Variants in GABRR2 observed in about 807,000 individuals in gnomAD.
GABRR2 encodes the protein gamma-aminobutyric acid receptor subunit rho-2.
In GABRR2, 36 loss-of-function variants were observed where a neutral mutation model predicts 47.0. That is an observed-to-expected ratio of 0.77 (90% CI 0.59 to 1.01). The LOEUF is 1.01. GABRR2 is among the 50% of genes least tolerant of loss of function. GABRR2 has a pLI of 0.00. For synonymous variants in GABRR2, 204 were observed against 227.5 expected, an observed-to-expected ratio of 0.90 and a Z score of 0.93; for missense variants, 587 against 594.6, an observed-to-expected ratio of 0.99 and a Z score of 0.13.
chr6:89,281,003 C>T (rs1448513670), intron 2 of GABRR2, among the ~76,000 whole-genome samples: 1 of 152,210 alleles, frequency 6.6e-6, no homozygotes, highest in Non-Finnish European at 1.5e-5. Context: ...AACGATTTTT[C>T]ACTGTTTCTC....
At chr6:89,265,455 C>T (rs1025860003) in intron 7 of GABRR2, among the ~76,000 whole-genome samples, 158 bp downstream of exon 7, 1 of 152,112 alleles carries the variant, frequency 6.6e-6, no homozygotes, top group African/African-American at 2.4e-5. Context: ...AAACTGAGGC[C>T]AGCATCTAGA....
chr6:89,263,036 G>A (rs1177222509), intron 8 of GABRR2, among the ~76,000 whole-genome samples: 2 of 152,170 alleles, frequency 1.3e-5, no homozygotes, highest in African/African-American at 2.4e-5. Context: ...GTTGTATTCT[G>A]TCTCATAGTT....
rs1774050562 is a variant in GABRR2, at chr6:89,271,570, C to T, written c.288+85G>A. 4 of 1,233,430 alleles carry T rather than the reference C, an allele frequency of 3.2e-6. No individual in the cohort carries two copies. The South Asian group carries it at 5.1e-5, about 16-fold the overall frequency. The allele number at this position is 1,233,430 out of a possible 1,614,324, so 76.4% of individuals were successfully genotyped here. On this transcript the variant is annotated intron_variant, in intron 3 of 8. Coordinates refer to ENST00000402938, the MANE Select transcript of GABRR2 (RefSeq NM_002043.5). The stretch of plus-strand genomic sequence containing the variant: ...CCCATTTTATCACCTCCAGCTCCCG[C>T]TCTGCCCACACAGGCACAGCCTGCA...
intron 6 of GABRR2, among the ~76,000 whole-genome samples, chr6:89,267,338 G>A (rs1282511749): frequency 6.6e-6 from 1 of 152,162 alleles, no homozygotes; most frequent in Non-Finnish European, 1.5e-5. Context: ...GGCCGAGGTA[G>A]GAGGATTGCT....
chr6:89,286,909 G>A (rs571362175), intron 2 of GABRR2, among the ~76,000 whole-genome samples: 15 of 152,284 alleles, frequency 9.9e-5, no homozygotes, highest in East Asian at 3.9e-4. Context: ...GAAGAAGCCC[G>A]AGGGAGCCCC....
intron 8 of GABRR2, among the ~76,000 whole-genome samples, chr6:89,262,351 T>C (rs903388017): frequency 1.3e-5 from 2 of 152,202 alleles, no homozygotes; most frequent in African/African-American, 4.8e-5. Flanking sequence ...ACTACCTTCA[T>C]AAATATTCAT....
At chr6:89,281,711 T>G (rs1201298994) in intron 2 of GABRR2, among the ~76,000 whole-genome samples, 1 of 152,154 alleles carries the variant, frequency 6.6e-6, no homozygotes, top group Non-Finnish European at 1.5e-5. Flanking sequence ...GTAGATGACC[T>G]GTGGCACAGA....
At chr6:89,294,586 T>C (rs1774525159) in intron 2 of GABRR2, among the ~76,000 whole-genome samples, 1 of 151,760 alleles carries the variant, frequency 6.6e-6, no homozygotes, top group African/African-American at 2.4e-5. Flanking sequence ...TGGTGGGCGC[T>C]ACTGGAAGGG....
chr6:89,280,425 G>A (rs1399263844), intron 2 of GABRR2, among the ~76,000 whole-genome samples: 1 of 151,860 alleles, frequency 6.6e-6, no homozygotes. Flanking sequence ...ACACACTGGA[G>A]GAAGGAATGA....
intron 1 of GABRR2, among the ~76,000 whole-genome samples, chr6:89,303,417 A>G (rs1015576343): frequency 3.8e-5 from 2 of 52,292 alleles, no homozygotes; most frequent in African/African-American, 3.5e-4. Flanking sequence ...GCTGTCAGAT[A>G]AAAAAAAAAA....
chr6:89,302,955 C>T, intron 1 of GABRR2: 1 of 1,250,324 alleles, frequency 8.0e-7, no homozygotes, highest in Non-Finnish European at 1.1e-6. Context: ...TACACTGGTA[C>T]ATGGGCAAGG....
rs1458896939 is a variant in GABRR2, at chr6:89,256,097, T to A, written c.*1573A>T. On this transcript the variant is annotated 3_prime_UTR_variant, in exon 9 of 9. Transcript: ENST00000402938. ...GGCTAATATTTTTAATTTTTACTAA[T>A]TTAAATTTAAATAGACATGTGGCTA... Among the ~76,000 whole-genome samples, 1 of 149,500 alleles carries A rather than the reference T, an allele frequency of 6.7e-6. No individual in the cohort carries two copies. The highest frequency in any genetic ancestry group is 1.9e-4 in the East Asian group (1 of 5,132).
chr6:89,282,681 G>C lies in GABRR2; in HGVS notation c.221-10959C>G, dbSNP rs531808298. Among the ~76,000 whole-genome samples, 30 of 152,332 alleles carry C rather than the reference G, an allele frequency of 2.0e-4. No homozygotes were observed. In the South Asian group the frequency reaches 5.6e-3, roughly 28 times the overall value. ...CAAGGTAAACTGGGATGGGATCCTGGAAAGGCCTTCTATCCAACAGCAGCC... is the reference window on the plus strand; with the variant it reads ...CAAGGTAAACTGGGATGGGATCCTGCAAAGGCCTTCTATCCAACAGCAGCC... On this transcript the variant is annotated intron_variant, in intron 2 of 8. Coordinates refer to ENST00000402938, the MANE Select transcript of GABRR2 (RefSeq NM_002043.5).
chr6:89,255,793 G>C lies in GABRR2; in HGVS notation c.*1877C>G, dbSNP rs2127820574. On this transcript the variant is annotated 3_prime_UTR_variant, in exon 9 of 9. Transcript: ENST00000402938. ...GCTGGTAGAGCTTCCTGGTCTTTAG[G>C]CTGCCCAGCCCAGTGCAGTAGCTAC... is the stretch of plus-strand genomic sequence containing the variant. 6.6e-6 allele frequency among the ~76,000 whole-genome samples: 1 copy of C among 152,220 alleles called. No individual in the cohort carries two copies.
At chr6:89,273,445 G>A (rs898852520) in intron 2 of GABRR2, among the ~76,000 whole-genome samples, 1 of 152,224 alleles carries the variant, frequency 6.6e-6, no homozygotes, top group Non-Finnish European at 1.5e-5. Context: ...ATGTTGGTCA[G>A]GCTGGTCTCA....
intron 1 of GABRR2, among the ~76,000 whole-genome samples, chr6:89,300,528 G>A (rs539680659): frequency 1.5e-4 from 23 of 151,784 alleles, no homozygotes; most frequent in Non-Finnish European, 3.1e-4. Flanking sequence ...TGACAAAGGG[G>A]ATGTTACCAC....
chr6:89,264,130 G>A (rs774325256), intron 8 of GABRR2, among the ~76,000 whole-genome samples: 2 of 152,278 alleles, frequency 1.3e-5, no homozygotes, highest in African/African-American at 2.4e-5. Flanking sequence ...TGAGGGTTCT[G>A]TAATCTCCCT....
intron 2 of GABRR2, among the ~76,000 whole-genome samples, chr6:89,273,551 C>T (rs1223867442): frequency 1.3e-5 from 2 of 152,158 alleles, no homozygotes; most frequent in Non-Finnish European, 2.9e-5. Context: ...TCTTTTTATT[C>T]CAGGCTCCAG....
At chr6:89,279,171 C>A (rs1239137793) in intron 2 of GABRR2, among the ~76,000 whole-genome samples, 1 of 152,236 alleles carries the variant, frequency 6.6e-6, no homozygotes, top group Non-Finnish European at 1.5e-5. Flanking sequence ...CCTGGCCCTG[C>A]ATCCCCTCTC....
Sources: gnomAD v4.1 joint callset for allele counts (sites outside exome capture counted in the v4.1 genomes callset) on GRCh38, gnomAD v4.1.1 for gene constraint, MANE v1.5 for transcripts, NCBI Gene and HGNC (gene_info 2026-07-23, HGNC 2026-07-21) for gene names.